Variants in PLEKHA6 observed in about 807,000 individuals in gnomAD.
PLEKHA6 encodes pleckstrin homology domain containing A6.
A neutral mutation model predicts 116.7 loss-of-function variants in PLEKHA6; 60 were observed. That is an observed-to-expected ratio of 0.51 (90% CI 0.42 to 0.64). The LOEUF (loss-of-function observed/expected upper bound fraction) is 0.64. Ranked by LOEUF, PLEKHA6 falls within the 30% of genes least tolerant of loss-of-function variation. The pLI, the probability that PLEKHA6 is intolerant of heterozygous loss-of-function variation, is 0.00. For missense variants in PLEKHA6, 1,338 were observed against 1,422.7 expected (o/e 0.94, Z 0.96); for synonymous variants, 489 against 556.1 (o/e 0.88, Z 1.70).
At chr1:204,231,494 ACTTATAATAC>A in intron 17 of PLEKHA6, among the ~76,000 whole-genome samples, 1 of 152,272 alleles carries the variant, frequency 6.6e-6, no homozygotes, top group Non-Finnish European at 1.5e-5. Flanking sequence ...CCTTTAGATT[ACTTATAATAC>A]CTAATACAAT....
rs552934540 is a variant in PLEKHA6 at position 204,326,255 on chromosome 1, C to T, written c.-95+33439G>A. ...CCAGAGGGCACAAGTAGACACTCAG[C>T]TCCTCTCTCCCTTAGACCCAACCAG... On this transcript the variant is annotated intron_variant, in intron 1 of 22. Transcript: ENST00000272203. Among the ~76,000 whole-genome samples the T allele has an allele frequency of 2.0e-5, 3 of 152,352 alleles. No individual in the cohort carries two copies. In the East Asian group the frequency reaches 5.8e-4, roughly 29 times the overall value.
At position 204,223,469 on chromosome 1, in the gene PLEKHA6, C is replaced by T. The variant is rs1659902634; in HGVS notation, c.*1G>A. ...CAGTAGAAAAGTGCTTACGTCAGAG[C>T]TCAGACCCGCATGGTATAGCTGCTG... On this transcript the variant is annotated 3_prime_UTR_variant, in exon 22 of 23. Transcript: ENST00000272203. This position sits in a 1 kb window ranked among gnomAD's most constrained non-coding sequence, Gnocchi z 4.8. The T allele has an allele frequency of 2.0e-6, 3 of 1,526,534 alleles. No individual in the cohort carries two copies. The African/African-American group carries it at 4.1e-5, about 21-fold the overall frequency. The allele number at this position is 1,526,534 out of a possible 1,614,324, so 94.6% of individuals were successfully genotyped here. A position where few individuals can be genotyped will look rare whatever the true frequency, so the allele number is the denominator to read the frequency against.
intron 1 of PLEKHA6, among the ~76,000 whole-genome samples, chr1:204,281,482 G>A (rs1379474670): frequency 1.3e-5 from 2 of 151,890 alleles, no homozygotes; most frequent in Admixed American, 6.6e-5. Flanking sequence ...CCGAGATTGC[G>A]CCACTGCACT....
chr1:204,274,618 T>G, intron 2 of PLEKHA6, 111 bp downstream of exon 2: 1 of 985,766 alleles, frequency 1.0e-6, no homozygotes. Flanking sequence ...GCAAAGCCCT[T>G]CTGCTTTCCT....
intron 1 of PLEKHA6, among the ~76,000 whole-genome samples, chr1:204,334,158 C>T (rs1257598039): frequency 1.3e-5 from 2 of 152,172 alleles, no homozygotes; most frequent in Non-Finnish European, 2.9e-5. Flanking sequence ...GTCCAGGTGC[C>T]TGGAAAAGCT....
Position 204,257,251 on chromosome 1 carries a change from C to G in PLEKHA6, c.1524+102G>C. ...CTGCAGACAAACGGCCCAGTGGCCC[C>G]GTGGCACAGATGCTCCCACATCTCT... On this transcript the variant is annotated intron_variant, in intron 9 of 22. Transcript: ENST00000272203. The surrounding 1 kb of genome is among the most constrained non-coding windows in gnomAD (Gnocchi z 6.5). The G allele has an allele frequency of 8.6e-7, 1 of 1,156,754 alleles. No homozygotes were observed. Among genetic ancestry groups the G allele is most frequent in the Non-Finnish European group, 1.2e-6 (1 of 803,944 alleles). The allele number at this position is 1,156,754 out of a possible 1,614,324, so 71.7% of individuals were successfully genotyped here.
intron 1 of PLEKHA6, among the ~76,000 whole-genome samples, chr1:204,299,196 C>A (rs1240558551): frequency 6.6e-6 from 1 of 152,164 alleles, no homozygotes; most frequent in East Asian, 1.9e-4. Context: ...CCAGAGGACC[C>A]AAAGTCTCCA....
intron 3 of PLEKHA6, among the ~76,000 whole-genome samples, chr1:204,366,360 G>A (rs1251212473): frequency 6.6e-6 from 1 of 152,038 alleles, no homozygotes; most frequent in African/African-American, 2.4e-5. Flanking sequence ...GAAGAAGGAG[G>A]AAGAGCAGGA....
intron 1 of PLEKHA6, among the ~76,000 whole-genome samples, chr1:204,319,588 C>T (rs1406408837): frequency 2.0e-5 from 3 of 152,152 alleles, no homozygotes; most frequent in African/African-American, 7.2e-5. Flanking sequence ...TGGTCCCTCC[C>T]TCCTGTGCGC....
At chr1:204,271,844 G>T (rs1285051868) in intron 3 of PLEKHA6, among the ~76,000 whole-genome samples, 2 of 152,158 alleles carry the variant, frequency 1.3e-5, no homozygotes, top group African/African-American at 4.8e-5. Context: ...AACATTTCAT[G>T]TGTCCTTCAT....
intron 1 of PLEKHA6, among the ~76,000 whole-genome samples, chr1:204,318,750 T>G (rs1397005928): frequency 6.6e-6 from 1 of 152,242 alleles, no homozygotes; most frequent in Non-Finnish European, 1.5e-5. Context: ...ACTCGTTTAA[T>G]TTGAACAGTA....
rs900661812 is a variant in PLEKHA6 at position 204,292,474 on chromosome 1, G to A, written c.-94-17665C>T. On this transcript the variant is annotated intron_variant, in intron 1 of 22. Coordinates refer to ENST00000272203, the MANE Select transcript of PLEKHA6 (RefSeq NM_014935.5). ...TGATGCCCACCTATGTCCCTCACCC[G>A]GGCACTATGTCCCTCACCCTGGCTG... Among the ~76,000 whole-genome samples, 6 of 151,378 alleles carry A rather than the reference G, an allele frequency of 4.0e-5. No individual in the cohort carries two copies. The South Asian group carries it at 6.3e-4, about 16-fold the overall frequency.
intron 1 of PLEKHA6, among the ~76,000 whole-genome samples, chr1:204,295,047 G>C (rs945970975): frequency 1.3e-5 from 2 of 152,202 alleles, no homozygotes; most frequent in Non-Finnish European, 2.9e-5. Flanking sequence ...TTAGGAGCCA[G>C]AACAATTAAC....
chr1:204,245,137 C>T, intron 14 of PLEKHA6, 134 bp from the exon 15 acceptor site: 2 of 593,722 alleles, frequency 3.4e-6, no homozygotes, highest in Non-Finnish European at 5.5e-6. Context: ...TGTCTCAGGG[C>T]TACCTGGGCC....
chr1:204,298,391 T>G, intron 1 of PLEKHA6, among the ~76,000 whole-genome samples: 1 of 152,174 alleles, frequency 6.6e-6, no homozygotes. Context: ...TCAAACCATT[T>G]ATGAAAGACT....
intron 1 of PLEKHA6, among the ~76,000 whole-genome samples, chr1:204,347,737 C>T (rs755274508): frequency 6.6e-6 from 1 of 152,118 alleles, no homozygotes; most frequent in Non-Finnish European, 1.5e-5. Flanking sequence ...TGGCTTCAGT[C>T]GGTCCCTCCG....
At chr1:204,353,517 G>T (rs1673337824) in intron 1 of PLEKHA6, among the ~76,000 whole-genome samples, 1 of 152,260 alleles carries the variant, frequency 6.6e-6, no homozygotes, top group Non-Finnish European at 1.5e-5. Context: ...CAGCAGAGAA[G>T]TGACTGAGAA....
chr1:204,374,769 T>C (rs1673837273), intron 1 of PLEKHA6, among the ~76,000 whole-genome samples: 1 of 152,162 alleles, frequency 6.6e-6, no homozygotes. Context: ...GGCAGCTTCA[T>C]GTCTCGCACT....
At chr1:204,364,094 A>G (rs928788947), upstream of PLEKHA6, among the ~76,000 whole-genome samples, 1 of 152,154 alleles carries the variant, frequency 6.6e-6, no homozygotes, top group Non-Finnish European at 1.5e-5. Context: ...ATATTTGCTC[A>G]TTGAAATTTC....
Sources: allele counts gnomAD v4.1 joint callset (sites outside exome capture counted in the v4.1 genomes callset), GRCh38; gene constraint gnomAD v4.1.1; non-coding constraint Gnocchi (gnomAD v3.1); transcripts MANE v1.5; gene names NCBI Gene and HGNC (gene_info 2026-07-23, HGNC 2026-07-21).